The following PCDHGA3 variants were observed in gnomAD, a reference collection of about 807,000 sequenced individuals.
PCDHGA3 encodes the protein protocadherin gamma-A3.
A neutral mutation model predicts 58.5 loss-of-function variants in PCDHGA3; 40 were observed. The ratio of observed to expected loss-of-function variants is 0.68; its 90% CI spans 0.53 to 0.89. The LOEUF is 0.89. PCDHGA3 is among the 40% of genes least tolerant of loss of function. PCDHGA3 has a pLI of 0.00. For missense variants in PCDHGA3, 1,223 were observed against 1,195.9 expected (o/e 1.02, Z -0.33); for synonymous variants, 530 against 525.7 (o/e 1.01, Z -0.11).
chr5:141,361,824 G>C (rs1285016518), intron 1 of PCDHGA3: 2 of 1,612,886 alleles, frequency 1.2e-6, no homozygotes, highest in Non-Finnish European at 1.7e-6. Context: ...CACGGGTGCT[G>C]TACCCCGCGC....
At chr5:141,453,029 A>G (rs1014709934) in intron 1 of PCDHGA3, among the ~76,000 whole-genome samples, 1 of 152,206 alleles carries the variant, frequency 6.6e-6, no homozygotes, top group Non-Finnish European at 1.5e-5. Context: ...TCATTAAAAT[A>G]AAGTTTGTTT....
rs142590218 is a variant in PCDHGA3, at chr5:141,489,982, C to T, written c.2425-4825C>T. On this transcript the variant is annotated intron_variant, in intron 1 of 3. Coordinates refer to ENST00000253812, the MANE Select transcript of PCDHGA3 (RefSeq NM_018916.4). This position sits in a 1 kb window ranked among gnomAD's most constrained non-coding sequence, Gnocchi z 4.5. ...TCCAACCTTCCAATCCTCAGTTCTA[C>T]GTGTGGGAATCCCAGAGAATGCACC... The T allele has an allele frequency of 2.9e-5, 47 of 1,614,010 alleles. No individual in the cohort carries two copies. The highest frequency in any genetic ancestry group is 3.7e-5 in the Non-Finnish European group (44 of 1,179,964).
In PCDHGA3 at chr5:141,490,594, C is replaced by A. The variant is rs1276468877; in HGVS notation, c.2425-4213C>A. The A allele has an allele frequency of 2.5e-6, 4 of 1,614,056 alleles. No individual in the cohort carries two copies. The highest frequency in any genetic ancestry group is 1.6e-4 in the Middle Eastern group (1 of 6,084). On this transcript the variant is annotated intron_variant, in intron 1 of 3. Transcript: ENST00000253812. The surrounding 1 kb of genome is among the most constrained non-coding windows in gnomAD (Gnocchi z 5.4). ...CATTTCAGATGTCAATGACAATGCA[C>A]CCCGCTTCAACCAGCAGCTTTACAC...
At chr5:141,403,559 G>C (rs1281537625) in intron 1 of PCDHGA3, 1 of 1,613,974 alleles carries the variant, frequency 6.2e-7, no homozygotes. Flanking sequence ...CCTGGACAGG[G>C]AGGAGGCAAC....
intron 1 of PCDHGA3, chr5:141,384,388 CA>C (rs1780036142): frequency 2.5e-6 from 4 of 1,613,934 alleles, no homozygotes; most frequent in Non-Finnish European, 3.4e-6. Flanking sequence ...AGACACCATC[CA>C]GGGGGCTCCA....
intron 2 of PCDHGA3, among the ~76,000 whole-genome samples, chr5:141,497,212 G>A (rs968445663): frequency 6.6e-6 from 1 of 150,900 alleles, no homozygotes; most frequent in Non-Finnish European, 1.5e-5. Flanking sequence ...AGTGTAATGG[G>A]GGGGGGAAGA....
chr5:141,487,491 C>A lies in PCDHGA3; in HGVS notation c.2425-7316C>A. On this transcript the variant is annotated intron_variant, in intron 1 of 3. Transcript: ENST00000253812. This position sits in a 1 kb window ranked among gnomAD's most constrained non-coding sequence, Gnocchi z 5.0. The stretch of plus-strand genomic sequence containing the variant: ...GTGGGAGGCCACTCTCATGGCTGTA[C>A]ACCCTTGGCTTCTGCACCCACTCGG... The A allele has an allele frequency of 6.2e-7, 1 of 1,614,204 alleles. No individual in the cohort carries two copies. The highest frequency in any genetic ancestry group is 8.5e-7 in the Non-Finnish European group (1 of 1,180,034).
intron 1 of PCDHGA3, chr5:141,415,228 C>A: frequency 1.2e-6 from 2 of 1,614,168 alleles, no homozygotes; most frequent in South Asian, 2.2e-5. Flanking sequence ...CTTCGAGTCT[C>A]CAGCTAACTC....
intron 1 of PCDHGA3, chr5:141,394,892 C>T (rs267600457): frequency 4.5e-4 from 723 of 1,613,752 alleles, no homozygotes; most frequent in Non-Finnish European, 5.8e-4. Context: ...CACTCTATCT[C>T]GTGGTGGCAG....
chr5:141,364,720 CCCG>C, intron 1 of PCDHGA3: 3 of 1,613,946 alleles, frequency 1.9e-6, no homozygotes, highest in Non-Finnish European at 2.5e-6. Context: ...ATGATAACTT[CCCG>C]CGTTTCCGGG....
chr5:141,490,981 C>T lies in PCDHGA3; in HGVS notation c.2425-3826C>T. 19 of 1,614,096 alleles carry T rather than the reference C, an allele frequency of 1.2e-5. No homozygotes were observed. The highest frequency in any genetic ancestry group is 1.5e-5 in the Non-Finnish European group (18 of 1,180,018). Reference sequence around the variant, plus strand: ...ACACTCAGCCCCCCAGCGTCTCCCTCGCTCTGCTCCTCCTGGCTCCTTGGT... The same window carrying T: ...ACACTCAGCCCCCCAGCGTCTCCCTTGCTCTGCTCCTCCTGGCTCCTTGGT... On this transcript the variant is annotated intron_variant, in intron 1 of 3. Transcript: ENST00000253812. The surrounding 1 kb of genome is among the most constrained non-coding windows in gnomAD (Gnocchi z 5.4).
chr5:141,364,769 G>T (rs755884627), intron 1 of PCDHGA3: 1 of 1,614,012 alleles, frequency 6.2e-7, no homozygotes, highest in Admixed American at 1.7e-5. Flanking sequence ...TGAAAATGCG[G>T]CTGCAGGGAC....
intron 1 of PCDHGA3, chr5:141,370,194 T>C: frequency 3.8e-6 from 2 of 525,176 alleles, no homozygotes; most frequent in East Asian, 3.0e-5. Flanking sequence ...TGGCTAGTGC[T>C]GTGCAAAATA....
chr5:141,459,406 A>C (rs2098967498), intron 1 of PCDHGA3, among the ~76,000 whole-genome samples: 1 of 152,218 alleles, frequency 6.6e-6, no homozygotes, highest in Admixed American at 6.5e-5. Flanking sequence ...GCAGTATTGC[A>C]TTGTGTGGAT....
rs1460966790 is a variant in PCDHGA3 at position 141,345,357 on chromosome 5, G to T, written c.1324G>T (p.Val442Leu). 1 of 1,614,138 alleles carries T rather than the reference G, an allele frequency of 6.2e-7. No homozygotes were observed. The highest frequency in any genetic ancestry group is 1.3e-5 in the African/African-American group (1 of 75,034). Residue 442 changes from valine (V) to leucine (L), a missense_variant, in exon 1 of 4, where the codon GTG becomes TTG. Val to Leu is a conservative substitution (Grantham distance 32, BLOSUM62 1). Around this residue, in one of 3 missense-constraint regions of PCDHGA3, gnomAD observed 791 missense variants for 708.5 expected, o/e 1.12. Coordinates refer to ENST00000253812, the MANE Select transcript of PCDHGA3 (RefSeq NM_018916.4). ...CACAGAAACTCACATCACCCTGCATGTGATTGACATCAATGACAACCCACC... is the reference window on the plus strand; with the variant it reads ...CACAGAAACTCACATCACCCTGCATTTGATTGACATCAATGACAACCCACC... ...LSTETHITLH[V>L]IDINDNPPTF...
intron 1 of PCDHGA3, chr5:141,362,620 T>C (rs763103959): frequency 1.0e-4 from 160 of 1,526,964 alleles, no homozygotes; most frequent in Non-Finnish European, 1.4e-4. Context: ...GGGTAGGAAG[T>C]TCCACTGCGT....
chr5:141,421,578 T>G, intron 1 of PCDHGA3: 1 of 1,613,886 alleles, frequency 6.2e-7, no homozygotes, highest in Non-Finnish European at 8.5e-7. Flanking sequence ...CCTTGAAGAT[T>G]TACGGAGTGG....
chr5:141,487,314 A>G lies in PCDHGA3; in HGVS notation c.2425-7493A>G. ...GGCTCATTCGTGGCACTACTCTCTAAGTGTCTTCGTGGGGCAGCCTGTGGA... is the reference window on the plus strand; with the variant it reads ...GGCTCATTCGTGGCACTACTCTCTAGGTGTCTTCGTGGGGCAGCCTGTGGA... On this transcript the variant is annotated intron_variant, in intron 1 of 3. Transcript: ENST00000253812. The surrounding 1 kb of genome is among the most constrained non-coding windows in gnomAD (Gnocchi z 5.0). The G allele has an allele frequency of 6.2e-7, 1 of 1,614,002 alleles. No individual in the cohort carries two copies. Among genetic ancestry groups the G allele is most frequent in the African/African-American group, 1.3e-5 (1 of 74,994 alleles).
intron 1 of PCDHGA3, chr5:141,376,018 C>T (rs761668305): frequency 9.9e-6 from 16 of 1,613,312 alleles, no homozygotes; most frequent in Admixed American, 5.0e-5. Flanking sequence ...TAGTGGTGGC[C>T]GTCCAGGACC....
Sources: gnomAD v4.1 joint callset for allele counts (sites outside exome capture counted in the v4.1 genomes callset) on GRCh38, gnomAD v4.1.1 for gene constraint, gnomAD v4.1.1 regional missense constraint, Gnocchi (gnomAD v3.1) non-coding constraint, MANE v1.5 for transcripts, NCBI Gene and HGNC (gene_info 2026-07-23, HGNC 2026-07-21) for gene names.